The following CPAMD8 variants were observed in gnomAD, a reference collection of about 807,000 sequenced individuals.
The protein encoded by CPAMD8 is C3 and PZP-like alpha-2-macroglobulin domain-containing protein 8.
A neutral mutation model predicts 224.7 loss-of-function variants in CPAMD8; 146 were observed. The ratio of observed to expected loss-of-function variants is 0.65; its 90% CI spans 0.57 to 0.75. The LOEUF (loss-of-function observed/expected upper bound fraction) is 0.75, where lower values mean the gene tolerates loss of function less well. Among genes scored for constraint, CPAMD8 ranks in the 30% least tolerant of loss-of-function variants. The pLI is 0.00. For synonymous variants in CPAMD8, 966 were observed against 1,044.6 expected (o/e 0.92, Z 1.45); for missense variants, 2,301 against 2,537.5 (o/e 0.91, Z 2.00).
At chr19:16,944,194 GGGAAGAGGTA>G (rs2053996728) in intron 22 of CPAMD8, among the ~76,000 whole-genome samples, 3 of 152,210 alleles carry the variant, frequency 2.0e-5, no homozygotes, top group Non-Finnish European at 4.4e-5. Flanking sequence ...GTCCTCCGGT[GGGAAGAGGTA>G]GGAGGAGCAT....
At chr19:16,968,872 A>G (rs1460260634) in intron 18 of CPAMD8, among the ~76,000 whole-genome samples, 5 of 152,160 alleles carry the variant, frequency 3.3e-5, no homozygotes, top group Admixed American at 3.3e-4. Context: ...TCCTAGGCTC[A>G]AGTGATCTGC....
Position 16,925,326 on chromosome 19 carries a change from C to T in CPAMD8, c.3417G>A (p.Arg1139=), listed in dbSNP as rs2053321900. Residue 1139 remains arginine (R), a synonymous_variant, in exon 26 of 42, where the codon CGG becomes CGA. Transcript: ENST00000443236. ...PTLNHLNNLL[R]LPFGCGEQNM... ...TCTGCTCTCCACAGCCAAACGGCAGCCGCAGGAGGTTGTTGAGGTGGTTCA... is the reference window on the plus strand; with the variant it reads ...TCTGCTCTCCACAGCCAAACGGCAGTCGCAGGAGGTTGTTGAGGTGGTTCA... 6.2e-7 allele frequency: 1 copy of T among 1,614,096 alleles called. No individual in the cohort carries two copies. Among genetic ancestry groups the T allele is most frequent in the Non-Finnish European group, 8.5e-7 (1 of 1,180,036 alleles).
chr19:17,005,015 G>A (rs1420384078), intron 7 of CPAMD8, among the ~76,000 whole-genome samples: 5 of 151,454 alleles, frequency 3.3e-5, no homozygotes, highest in Non-Finnish European at 7.4e-5. Context: ...CTCCTGCCAG[G>A]ATAGGGTTTC....
In CPAMD8 at chr19:16,901,235, C is replaced by T. The variant is rs183901310; in HGVS notation, c.4748G>A (p.Arg1583Gln). Residue 1583 changes from arginine to glutamine, a missense_variant, in exon 36 of 42, where the codon CGG (arginine) becomes CAG (glutamine). Physicochemically the swap from Arg to Gln is conservative, Grantham distance 43. This residue lies in a region of CPAMD8 where 1,709 missense variants were observed against 1,753.2 expected (regional missense o/e 0.97). Transcript: ENST00000443236. ...CTGCTCCAGGCTCTCGATGTCTGCCCGGAAGCCTGACAGCAGGGGCACCTC... is the reference window on the plus strand; with the variant it reads ...CTGCTCCAGGCTCTCGATGTCTGCCTGGAAGCCTGACAGCAGGGGCACCTC... ...VLEVPLLSGF[R>Q]ADIESLEQLL... The T allele has an allele frequency of 1.6e-5, 25 of 1,612,116 alleles. No individual in the cohort carries two copies. The African/African-American group carries it at 2.0e-4, about 13-fold the overall frequency.
intron 20 of CPAMD8, among the ~76,000 whole-genome samples, chr19:16,949,762 T>C (rs1306364313): frequency 1.3e-5 from 2 of 152,146 alleles, no homozygotes; most frequent in Admixed American, 1.3e-4. Context: ...TGCTGTTCCC[T>C]CTTTGCGAAT....
At position 16,896,159 on chromosome 19, in the gene CPAMD8, G is replaced by C; in HGVS notation, c.5426+17C>G. On this transcript the variant is annotated intron_variant, in intron 41 of 41. Coordinates refer to ENST00000443236, the MANE Select transcript of CPAMD8 (RefSeq NM_015692.5). ...TGAGCCTATGTCTCTTATCTCTGGGGTGGGCCCAGCTGTTACCTGTCCTCC... is the reference window on the plus strand; with the variant it reads ...TGAGCCTATGTCTCTTATCTCTGGGCTGGGCCCAGCTGTTACCTGTCCTCC... The C allele has an allele frequency of 6.2e-7, 1 of 1,613,402 alleles. No individual in the cohort carries two copies. The highest frequency in any genetic ancestry group is 8.5e-7 in the Non-Finnish European group (1 of 1,179,830).
chr19:16,902,005 G>A (rs1053325728), intron 35 of CPAMD8, among the ~76,000 whole-genome samples: 2 of 152,136 alleles, frequency 1.3e-5, no homozygotes, highest in East Asian at 1.9e-4. Flanking sequence ...ACCAATCGTC[G>A]CCATGGTGAC....
At chr19:16,942,989 A>ACTTTTTT (rs1331312930) in intron 22 of CPAMD8, among the ~76,000 whole-genome samples, 7 of 144,682 alleles carry the variant, frequency 4.8e-5, no homozygotes, top group South Asian at 4.3e-4. Context: ...TTTGTGTTTG[A>ACTTTTTT]CTTTTTTCTT....
chr19:16,929,208 C>T lies in CPAMD8; in HGVS notation c.2878G>A (p.Glu960Lys), dbSNP rs763234135. The T allele has an allele frequency of 1.2e-6, 2 of 1,609,566 alleles. No homozygotes were observed. The highest frequency in any genetic ancestry group is 2.2e-5 in the East Asian group (1 of 44,732). ...AGTGGCCGCTGCACATACTGGAACT[C>T]ATACTTGTTGGGGGTGGAGATGTGG... The part of the protein sequence containing the change: ...RVHISTPNKY[E>K]FQYVQRPLRL... The change falls in exon 24 of 42, where the codon GAG (glutamate) becomes AAG (lysine). Residue 960 changes from glutamate (E) to lysine (K), a missense_variant. Transcript: ENST00000443236.
At chr19:16,957,260 C>T (rs555989559) in intron 19 of CPAMD8, among the ~76,000 whole-genome samples, 48 of 152,234 alleles carry the variant, frequency 3.2e-4, no homozygotes, top group Non-Finnish European at 6.6e-4. Context: ...GTCAGCCCAC[C>T]TGCTGGCCCG....
Position 16,987,172 on chromosome 19 carries a change from AAAAAAAAATATATAT to A in CPAMD8, c.1395+2456_1395+2470del, listed in dbSNP as rs1304647286. Among the ~76,000 whole-genome samples the A allele has an allele frequency of 3.9e-5, 4 of 101,450 alleles. No individual in the cohort carries two copies. In the South Asian group the frequency reaches 9.2e-4, roughly 23 times the overall value. 66.6% of individuals were successfully genotyped at this position (101,450 alleles called of 152,430 possible). A position where few individuals can be genotyped will look rare whatever the true frequency, so the allele number is the denominator to read the frequency against. ...TCTGTCAAAAAAAAAAAAAAAAAAA[AAAAAAAAATATATAT>A]ATATATATATATATATATATATGTA... On this transcript the variant is annotated intron_variant, in intron 13 of 41. Transcript: ENST00000443236.
chr19:16,926,817 A>C lies in CPAMD8; in HGVS notation c.3370+1192T>G, dbSNP rs933150224. Among the ~76,000 whole-genome samples the C allele has an allele frequency of 1.2e-4, 19 of 152,016 alleles. No homozygotes were observed. In the South Asian group the frequency reaches 3.3e-3, roughly 27 times the overall value. ...TTCCTGCCTCTCTGCTTCTTCTCCT[A>C]TCTCATTCAGTTCCATCTTAGTCAC... On this transcript the variant is annotated intron_variant, in intron 25 of 41. Transcript: ENST00000443236.
intron 5 of CPAMD8, among the ~76,000 whole-genome samples, chr19:17,009,880 A>T (rs886843268): frequency 3.3e-5 from 5 of 152,160 alleles, no homozygotes; most frequent in African/African-American, 1.2e-4. Flanking sequence ...GCCTCCTGAT[A>T]CAAGGCACCG....
intron 18 of CPAMD8, among the ~76,000 whole-genome samples, chr19:16,969,829 G>A (rs1310991967): frequency 1.5e-5 from 2 of 137,348 alleles, no homozygotes; most frequent in Non-Finnish European, 3.0e-5. Flanking sequence ...AGCCAAGCTC[G>A]TACCACTGCA....
chr19:16,899,582 ACT>A lies in CPAMD8; in HGVS notation c.4774-35_4774-34del. 9.6e-7 allele frequency: 1 copy of A among 1,045,270 alleles called. No homozygotes were observed. The allele number at this position is 1,045,270 out of a possible 1,614,324, so 64.7% of individuals were successfully genotyped here. A position where few individuals can be genotyped will look rare whatever the true frequency, so the allele number is the denominator to read the frequency against. On this transcript the variant is annotated intron_variant, in intron 36 of 41. Coordinates refer to ENST00000443236, the MANE Select transcript of CPAMD8 (RefSeq NM_015692.5). This position sits in a 1 kb window ranked among gnomAD's most constrained non-coding sequence, Gnocchi z 5.4. The stretch of plus-strand genomic sequence containing the variant: ...GGAAGCCAGAAGTCAGGGTCCTCAG[ACT>A]CTCTACTTGCTTCCTCTCCCATCCC...
chr19:17,006,482 C>A (rs2056495620), intron 7 of CPAMD8, among the ~76,000 whole-genome samples: 1 of 151,560 alleles, frequency 6.6e-6, no homozygotes, highest in African/African-American at 2.4e-5. Context: ...ATGATCACAC[C>A]ACTGCACTCC....
intron 17 of CPAMD8, among the ~76,000 whole-genome samples, chr19:16,973,963 G>A (rs951817870): frequency 6.6e-6 from 1 of 150,922 alleles, no homozygotes; most frequent in Non-Finnish European, 1.5e-5. Flanking sequence ...CCAAGTAGCT[G>A]GGACTACAGG....
chr19:16,975,292 GAA>G, intron 16 of CPAMD8, 34 bp from the exon 17 acceptor site: 1 of 1,570,796 alleles, frequency 6.4e-7, no homozygotes, highest in Non-Finnish European at 8.7e-7. Flanking sequence ...CTTGTCAGCT[GAA>G]GTTTTCTTTA....
At chr19:16,895,927 A>ACACGCG (rs146763898) in intron 41 of CPAMD8, 76,217 of 552,894 alleles carry the variant, frequency 0.14, 2,790 homozygotes, top group Non-Finnish European at 0.17. Context: ...ACACACACAC[A>ACACGCG]CGCGCGCGTG....
Sources: gnomAD v4.1 joint callset for allele counts (sites outside exome capture counted in the v4.1 genomes callset) on GRCh38, gnomAD v4.1.1 for gene constraint, gnomAD v4.1.1 regional missense constraint, Gnocchi (gnomAD v3.1) non-coding constraint, MANE v1.5 for transcripts, NCBI Gene and HGNC (gene_info 2026-07-23, HGNC 2026-07-21) for gene names.